Variants in ABTB3 observed in about 807,000 individuals in gnomAD.
ABTB3 encodes the protein ankyrin repeat and BTB domain containing 3, also known as ankyrin repeat- and BTB/POZ domain-containing protein 3.
chr12:107,532,473 G>A, the ABTB3 span, among the ~76,000 whole-genome samples: 9 of 152,224 alleles, frequency 5.9e-5, no homozygotes, highest in African/African-American at 9.6e-5. Context: ...ACACTGCTGC[G>A]CCCACCTGGA....
At chr12:107,554,837 C>T in the ABTB3 span, among the ~76,000 whole-genome samples, 2 of 152,152 alleles carry the variant, frequency 1.3e-5, no homozygotes, top group Admixed American at 6.5e-5. Context: ...GTTCCTTAAC[C>T]GAAAACAACC....
At chr12:107,603,800 A>C in the ABTB3 span, among the ~76,000 whole-genome samples, 5 of 152,220 alleles carry the variant, frequency 3.3e-5, no homozygotes, top group African/African-American at 1.2e-4. Context: ...TGCAAATCAT[A>C]CATCTGATAT....
the ABTB3 span, among the ~76,000 whole-genome samples, chr12:107,424,210 G>A: frequency 6.6e-6 from 1 of 152,182 alleles, no homozygotes; most frequent in Non-Finnish European, 1.5e-5. Flanking sequence ...TACCTTATCA[G>A]TGGCGGCTTC....
the ABTB3 span, among the ~76,000 whole-genome samples, chr12:107,328,237 A>G: frequency 1.3e-5 from 2 of 152,214 alleles, no homozygotes; most frequent in Non-Finnish European, 2.9e-5. Flanking sequence ...GGTTTAATGA[A>G]TTTGCTTAAG....
the ABTB3 span, among the ~76,000 whole-genome samples, chr12:107,537,125 C>T: frequency 6.6e-6 from 1 of 151,460 alleles, no homozygotes; most frequent in African/African-American, 2.4e-5. Flanking sequence ...AAGTCAGGCA[C>T]AGAAAGATAA....
the ABTB3 span, among the ~76,000 whole-genome samples, chr12:107,421,612 C>T: frequency 1.3e-5 from 2 of 152,178 alleles, no homozygotes; most frequent in South Asian, 2.1e-4. Flanking sequence ...GTTCGGTAAA[C>T]GATATAAGCC....
chr12:107,612,893 G>A, the ABTB3 span: 1 of 1,606,132 alleles, frequency 6.2e-7, no homozygotes, highest in African/African-American at 1.3e-5. Flanking sequence ...GGCCAGCAGG[G>A]CCCCTCGGCC....
the ABTB3 span, among the ~76,000 whole-genome samples, chr12:107,517,996 C>CAAAA: frequency 6.6e-6 from 1 of 151,860 alleles, no homozygotes; most frequent in Admixed American, 6.6e-5. Flanking sequence ...TTTATGCAGC[C>CAAAA]GACACATGAA....
the ABTB3 span, chr12:107,319,500 C>A: frequency 6.3e-7 from 1 of 1,588,928 alleles, no homozygotes; most frequent in South Asian, 1.1e-5. Context: ...GCCGCACTGT[C>A]CCTCTACAAC....
the ABTB3 span, among the ~76,000 whole-genome samples, chr12:107,514,539 C>T: frequency 1.3e-5 from 2 of 152,124 alleles, no homozygotes; most frequent in South Asian, 2.1e-4. Context: ...CACCAGGCCA[C>T]GGCTGCCCTT....
At chr12:107,462,731 A>T in the ABTB3 span, among the ~76,000 whole-genome samples, 1 of 150,802 alleles carries the variant, frequency 6.6e-6, no homozygotes, top group Non-Finnish European at 1.5e-5. Context: ...GGTGACAGTG[A>T]TGATGATGGT....
At chr12:107,455,857 T>C in the ABTB3 span, among the ~76,000 whole-genome samples, 9 of 152,174 alleles carry the variant, frequency 5.9e-5, no homozygotes, top group Non-Finnish European at 1.2e-4. Flanking sequence ...AACCCAGGCC[T>C]ATTCGCATGG....
chr12:107,432,124 C>T, the ABTB3 span, among the ~76,000 whole-genome samples: 2 of 152,212 alleles, frequency 1.3e-5, no homozygotes, highest in African/African-American at 2.4e-5. Context: ...GGAGGTTTTC[C>T]TGTCTAACCC....
the ABTB3 span, among the ~76,000 whole-genome samples, chr12:107,548,186 T>TCTCTGTCTC: frequency 2.0e-5 from 3 of 151,608 alleles, no homozygotes; most frequent in Admixed American, 2.0e-4. Flanking sequence ...CTCTCCTCTC[T>TCTCTGTCTC]CCTGTGTTCT....
chr12:107,583,750 T>G, the ABTB3 span, among the ~76,000 whole-genome samples: 2 of 152,186 alleles, frequency 1.3e-5, no homozygotes, highest in Non-Finnish European at 2.9e-5. Context: ...CTGTCCAGTT[T>G]GAAGCCTCAG....
chr12:107,584,203 AAAG>A, the ABTB3 span, among the ~76,000 whole-genome samples: 2 of 152,244 alleles, frequency 1.3e-5, no homozygotes, highest in African/African-American at 4.8e-5. Context: ...TAACAGGATC[AAAG>A]AAGTTTTGTT....
the ABTB3 span, among the ~76,000 whole-genome samples, chr12:107,455,546 G>C: frequency 6.6e-6 from 1 of 152,070 alleles, no homozygotes; most frequent in African/African-American, 2.4e-5. Flanking sequence ...TCTCAGTAGA[G>C]AGTAGGTCCT....
the ABTB3 span, among the ~76,000 whole-genome samples, chr12:107,326,997 A>T: frequency 6.6e-6 from 1 of 151,576 alleles, no homozygotes; most frequent in Non-Finnish European, 1.5e-5. Context: ...TTTCTTTGTT[A>T]TTTTTCGTGG....
chr12:107,403,650 T>C, the ABTB3 span, among the ~76,000 whole-genome samples: 19,158 of 152,134 alleles, frequency 0.13, 2,219 homozygotes, highest in East Asian at 0.41. Flanking sequence ...TTATTCTTGT[T>C]TTTAAAAACT....
Sources: gnomAD v4.1 joint callset for allele counts (sites outside exome capture counted in the v4.1 genomes callset) on GRCh38, gnomAD v4.1.1 for gene constraint, MANE v1.5 for transcripts, NCBI Gene and HGNC (gene_info 2026-07-23, HGNC 2026-07-21) for gene names.